Variants in PCDHGA2 observed in about 807,000 individuals in gnomAD.
The protein encoded by PCDHGA2 is protocadherin gamma-A2.
In PCDHGA2, 40 loss-of-function variants were observed where a neutral mutation model predicts 59.2. That is an observed-to-expected ratio of 0.68 (90% CI 0.52 to 0.88). The LOEUF (loss-of-function observed/expected upper bound fraction) is 0.88, where lower values mean the gene tolerates loss of function less well. Ranked by LOEUF, PCDHGA2 falls within the 40% of genes least tolerant of loss-of-function variation. PCDHGA2 has a pLI of 0.00. For missense variants in PCDHGA2, 1,226 were observed against 1,204.0 expected, an observed-to-expected ratio of 1.02 and a Z score of -0.27; for synonymous variants, 560 against 526.0, an observed-to-expected ratio of 1.06 and a Z score of -0.89.
At chr5:141,368,190 GA>G (rs1352069840) in intron 1 of PCDHGA2, among the ~76,000 whole-genome samples, 2 of 152,032 alleles carry the variant, frequency 1.3e-5, no homozygotes, top group African/African-American at 4.8e-5. Flanking sequence ...TAAATAAGGG[GA>G]AAAGGTAATA....
chr5:141,418,424 G>A lies in PCDHGA2; in HGVS notation c.2425-76383G>A, dbSNP rs1427064246. Reference sequence around the variant, plus strand: ...GGTGGAGAAAGACAATCCTGATGGTGGCAAATATCCAGAATTAGTATTGCA... The same window carrying A: ...GGTGGAGAAAGACAATCCTGATGGTAGCAAATATCCAGAATTAGTATTGCA... On this transcript the variant is annotated intron_variant, in intron 1 of 3. Coordinates refer to ENST00000394576, the MANE Select transcript of PCDHGA2 (RefSeq NM_018915.4). 1 of 1,613,974 alleles carries A rather than the reference G, an allele frequency of 6.2e-7. No individual in the cohort carries two copies. Among genetic ancestry groups the A allele is most frequent in the Non-Finnish European group, 8.5e-7 (1 of 1,179,872 alleles).
rs761528900 is a variant in PCDHGA2 at position 141,376,319 on chromosome 5, G to A, written c.2424+34924G>A. The A allele has an allele frequency of 2.5e-6, 4 of 1,614,220 alleles. No homozygotes were observed. In the East Asian group the frequency reaches 6.7e-5, roughly 27 times the overall value. On this transcript the variant is annotated intron_variant, in intron 1 of 3. Coordinates refer to ENST00000394576, the MANE Select transcript of PCDHGA2 (RefSeq NM_018915.4). ...CTCGCACTTTGTGGGCGTGGAAGGGGTTCGGGCTTTCCTGCAGACCTATTC... is the reference window on the plus strand; with the variant it reads ...CTCGCACTTTGTGGGCGTGGAAGGGATTCGGGCTTTCCTGCAGACCTATTC...
chr5:141,386,303 T>A (rs938709302), intron 1 of PCDHGA2, among the ~76,000 whole-genome samples: 6 of 152,202 alleles, frequency 3.9e-5, no homozygotes, highest in Admixed American at 2.0e-4. Flanking sequence ...TTAGTAAAGC[T>A]CAGTATATCA....
chr5:141,506,109 A>G (rs1027886504), intron 3 of PCDHGA2, among the ~76,000 whole-genome samples: 5 of 152,126 alleles, frequency 3.3e-5, no homozygotes, highest in Middle Eastern at 3.2e-3. Flanking sequence ...GTCCCTGAAG[A>G]GTCACTAGGG....
At chr5:141,427,780 T>C (rs2097069858) in intron 1 of PCDHGA2, 1 of 1,456,004 alleles carries the variant, frequency 6.9e-7, no homozygotes. Flanking sequence ...CTGCGGGCAC[T>C]GTCGTCCTAC....
intron 1 of PCDHGA2, among the ~76,000 whole-genome samples, chr5:141,354,841 T>C (rs1367624307): frequency 6.6e-6 from 1 of 152,242 alleles, no homozygotes; most frequent in Admixed American, 6.5e-5. Context: ...TGGATCATTC[T>C]TGAATTTTCA....
intron 1 of PCDHGA2, chr5:141,420,076 T>C (rs764381539): frequency 3.3e-5 from 53 of 1,613,956 alleles, no homozygotes; most frequent in Non-Finnish European, 4.5e-5. Context: ...GACCTGTGGG[T>C]CCCCCCAACT....
In PCDHGA2 at chr5:141,432,219, T is replaced by A. The variant is rs1327611752; in HGVS notation, c.2425-62588T>A. 6.2e-7 allele frequency: 1 copy of A among 1,614,122 alleles called. No homozygotes were observed. Among genetic ancestry groups the A allele is most frequent in the East Asian group, 2.2e-5 (1 of 44,868 alleles). On this transcript the variant is annotated intron_variant, in intron 1 of 3. Transcript: ENST00000394576. The surrounding 1 kb of genome is among the most constrained non-coding windows in gnomAD (Gnocchi z 6.0). The stretch of plus-strand genomic sequence containing the variant: ...CCCGACTGTGAAGAGAACGCCCAGA[T>A]CACTTATTCCCTGGCTGAGAACACC...
Position 141,380,667 on chromosome 5 carries a change from T to C in PCDHGA2, c.2424+39272T>C, listed in dbSNP as rs552117625. On this transcript the variant is annotated intron_variant, in intron 1 of 3. Coordinates refer to ENST00000394576, the MANE Select transcript of PCDHGA2 (RefSeq NM_018915.4). Reference sequence around the variant, plus strand: ...AGAGACAATGAAGCCATTTACTCCATAGGGTATGTATGCTTTGTGTTCGGA... The same window carrying C: ...AGAGACAATGAAGCCATTTACTCCACAGGGTATGTATGCTTTGTGTTCGGA... Among the ~76,000 whole-genome samples the C allele has an allele frequency of 2.6e-5, 4 of 152,244 alleles. No homozygotes were observed. The East Asian group carries it at 5.8e-4, about 22-fold the overall frequency.
chr5:141,413,272 C>T lies in PCDHGA2; in HGVS notation c.2424+71877C>T, dbSNP rs753942667. Reference sequence around the variant, plus strand: ...CGGGATTCCATGGGAGGCTGGAGCCCGGCAGATCTCCTACTCAATTCCTGA... The same window carrying T: ...CGGGATTCCATGGGAGGCTGGAGCCTGGCAGATCTCCTACTCAATTCCTGA... On this transcript the variant is annotated intron_variant, in intron 1 of 3. Coordinates refer to ENST00000394576, the MANE Select transcript of PCDHGA2 (RefSeq NM_018915.4). 8.1e-6 allele frequency: 13 copies of T among 1,613,944 alleles called. No individual in the cohort carries two copies. In the South Asian group the frequency reaches 1.4e-4, roughly 18 times the overall value.
At chr5:141,395,110 GTCACCTGATCTT>G in intron 1 of PCDHGA2, 2 of 1,614,214 alleles carry the variant, frequency 1.2e-6, no homozygotes, top group African/African-American at 1.3e-5. Flanking sequence ...TCGCGGAAGA[GTCACCTGATCTT>G]TCCCCAGCCC....
rs1464961193 is a variant in PCDHGA2 at position 141,432,346 on chromosome 5, A to G, written c.2425-62461A>G. The G allele has an allele frequency of 6.2e-7, 1 of 1,614,192 alleles. No homozygotes were observed. Among genetic ancestry groups the G allele is most frequent in the African/African-American group, 1.3e-5 (1 of 75,054 alleles). On this transcript the variant is annotated intron_variant, in intron 1 of 3. Coordinates refer to ENST00000394576, the MANE Select transcript of PCDHGA2 (RefSeq NM_018915.4). This position sits in a 1 kb window ranked among gnomAD's most constrained non-coding sequence, Gnocchi z 6.0. ...ACTACGAGCAGTTCCGAGACTTGCA[A>G]GTGAAAGTGATGGCGCGGGACAACG...
intron 1 of PCDHGA2, chr5:141,375,368 A>C: frequency 1.2e-6 from 2 of 1,613,872 alleles, no homozygotes; most frequent in Non-Finnish European, 1.7e-6. Flanking sequence ...GGACAAAGGA[A>C]CACCACCTCT....
chr5:141,364,416 G>A, intron 1 of PCDHGA2: 2 of 1,613,312 alleles, frequency 1.2e-6, no homozygotes, highest in Non-Finnish European at 1.7e-6. Context: ...CCAGGATCCG[G>A]GCAGATCCGC....
chr5:141,422,175 T>G (rs2096631593), intron 1 of PCDHGA2: 1 of 1,564,276 alleles, frequency 6.4e-7, no homozygotes, highest in Non-Finnish European at 8.6e-7. Context: ...ATAGATTCTA[T>G]GAGATGGAAA....
intron 1 of PCDHGA2, among the ~76,000 whole-genome samples, chr5:141,425,919 G>C (rs11167745): frequency 0.3 from 45,848 of 152,124 alleles, 8,179 homozygotes; most frequent in African/African-American, 0.5. Context: ...CAGTCACTAC[G>C]AAAACTCATA....
rs1456738329 is a variant in PCDHGA2 at position 141,338,806 on chromosome 5, C to T, written c.-166C>T. On this transcript the variant is annotated 5_prime_UTR_variant, in exon 1 of 4. Coordinates refer to ENST00000394576, the MANE Select transcript of PCDHGA2 (RefSeq NM_018915.4). ...CAGCACAAGGGGGTGGAGGTTTGGC[C>T]CTAAAGCTTCAGGACACCAAAGAAA... 12 of 1,371,854 alleles carry T rather than the reference C, an allele frequency of 8.7e-6. No homozygotes were observed. In the Admixed American group the frequency reaches 1.0e-4, roughly 12 times the overall value. 85.0% of individuals were successfully genotyped at this position (1,371,854 alleles called of 1,614,324 possible). A position where few individuals can be genotyped will look rare whatever the true frequency, so the allele number is the denominator to read the frequency against.
chr5:141,361,098 A>T (rs1345076438), intron 1 of PCDHGA2: 1 of 1,614,016 alleles, frequency 6.2e-7, no homozygotes, highest in Non-Finnish European at 8.5e-7. Flanking sequence ...GTATCGAAGC[A>T]AAAGATCCTG....
In PCDHGA2 at chr5:141,366,650, A is replaced by G. The variant is rs879057621; in HGVS notation, c.2424+25255A>G. 6.2e-7 allele frequency: 1 copy of G among 1,614,262 alleles called. No homozygotes were observed. Among genetic ancestry groups the G allele is most frequent in the South Asian group, 1.1e-5 (1 of 91,092 alleles). The stretch of plus-strand genomic sequence containing the variant: ...GAGTCACCTGATCTTTCCCCAGCCC[A>G]ACTACGCAGACACGCTCCTTAGTGA... On this transcript the variant is annotated intron_variant, in intron 1 of 3. Transcript: ENST00000394576.
Sources: gnomAD v4.1 joint callset for allele counts (sites outside exome capture counted in the v4.1 genomes callset) on GRCh38, gnomAD v4.1.1 for gene constraint, Gnocchi (gnomAD v3.1) non-coding constraint, MANE v1.5 for transcripts, NCBI Gene and HGNC (gene_info 2026-07-23, HGNC 2026-07-21) for gene names.